TOX4: variants seen among roughly 807,000 people sequenced by gnomAD.
The protein encoded by TOX4 is TOX high mobility group box family member 4.
In TOX4, 12 loss-of-function variants were observed where a neutral mutation model predicts 61.0. That is an observed-to-expected ratio of 0.20 (90% CI 0.13 to 0.32). TOX4 has a LOEUF of 0.32. Among genes scored for constraint, TOX4 ranks in the 10% least tolerant of loss-of-function variants. TOX4 has a pLI of 1.00. For synonymous variants in TOX4, 268 were observed against 274.8 expected (o/e 0.98, Z 0.24); for missense variants, 499 against 753.3 (o/e 0.66, Z 3.95).
chr14:21,480,623 TA>T (rs917486885), intron 2 of TOX4, among the ~76,000 whole-genome samples: 1 of 151,724 alleles, frequency 6.6e-6, no homozygotes. Context: ...TTCTAACCAT[TA>T]AAAAAAATGA....
chr14:21,485,355 C>T (rs34647735), intron 2 of TOX4, among the ~76,000 whole-genome samples: 24,943 of 101,400 alleles, frequency 0.25, 8,897 homozygotes, highest in Admixed American at 0.35. Flanking sequence ...GCGGAGGTTG[C>T]GGTGAGCTGA....
intron 4 of TOX4, 107 bp from the exon 5 acceptor site, chr14:21,489,066 T>C (rs2139625087): frequency 3.1e-6 from 4 of 1,303,432 alleles, no homozygotes; most frequent in Non-Finnish European, 4.2e-6. Flanking sequence ...TTTAATGCTA[T>C]TTCTATGATT....
chr14:21,483,675 A>G (rs910970148), intron 2 of TOX4, among the ~76,000 whole-genome samples: 7 of 152,052 alleles, frequency 4.6e-5, no homozygotes, highest in Admixed American at 3.3e-4. Context: ...ACCCTGTCTC[A>G]GAATTAAAAA....
chr14:21,489,865 G>A (rs1374789525), intron 5 of TOX4, among the ~76,000 whole-genome samples: 1 of 151,012 alleles, frequency 6.6e-6, no homozygotes, highest in African/African-American at 2.4e-5. Context: ...ACAGGCATGA[G>A]CCACTGCGCC....
rs978037147 is a variant in TOX4, at chr14:21,487,435, C to G, written c.76-16C>G. Reference sequence around the variant, plus strand: ...CCTCTTTTCACTAATTCTTTTCCCCCTTTTTTCCCCTACAGACATTCCATA... The same window carrying G: ...CCTCTTTTCACTAATTCTTTTCCCCGTTTTTTCCCCTACAGACATTCCATA... On this transcript the variant is annotated splice_polypyrimidine_tract_variant and intron_variant, in intron 2 of 8. Coordinates refer to ENST00000448790, the MANE Select transcript of TOX4 (RefSeq NM_014828.4). The G allele has an allele frequency of 8.1e-6, 13 of 1,610,022 alleles. No homozygotes were observed. In the Admixed American group the frequency reaches 1.2e-4, roughly 14 times the overall value.
Position 21,493,222 on chromosome 14 carries a change from ACTAT to A in TOX4, c.1609_1612del (p.Ile537ValfsTer3). The A allele has an allele frequency of 6.2e-7, 1 of 1,613,732 alleles. No homozygotes were observed. The highest frequency in any genetic ancestry group is 8.5e-7 in the Non-Finnish European group (1 of 1,179,872). ...TACAGTGGAGGCACCTTCTCCTGAG[ACTAT>A]CTGTGAGATGATCACAGATGTAGTT... On this transcript the variant is annotated frameshift_variant, in exon 7 of 9. Coordinates refer to ENST00000448790, the MANE Select transcript of TOX4 (RefSeq NM_014828.4). LOFTEE classifies it high-confidence loss of function.
chr14:21,489,584 A>AT (rs969143211), intron 5 of TOX4, among the ~76,000 whole-genome samples, 181 bp downstream of exon 5: 62 of 147,202 alleles, frequency 4.2e-4, no homozygotes, highest in South Asian at 6.5e-4. Context: ...ACCTATTTAA[A>AT]TTTTTTTTTT....
rs185134737 is a variant in TOX4, at chr14:21,493,992, G to A, written c.1641+735G>A. ...TCTTGAACTCCTGACCTCGTGATTC[G>A]CCCGCTTCGGCCTCCCAGAGTGCAG... On this transcript the variant is annotated intron_variant, in intron 7 of 8. Coordinates refer to ENST00000448790, the MANE Select transcript of TOX4 (RefSeq NM_014828.4). 4.7e-4 allele frequency among the ~76,000 whole-genome samples: 72 copies of A among 152,062 alleles called. No individual in the cohort carries two copies. The East Asian group carries it at 0.012, about 26-fold the overall frequency.
Position 21,477,528 on chromosome 14 carries a change from C to G in TOX4, c.39C>G (p.Ile13Met). The stretch of plus-strand genomic sequence containing the variant: ...GAGGAAATGACAATTACCTGACGAT[C>G]ACAGGGCCTTCGCACCCCTTCCTGT... ...FPGGNDNYLT[I>M]TGPSHPFLSG... Residue 13 changes from isoleucine to methionine, a missense_variant, in exon 2 of 9, where the codon ATC (isoleucine) becomes ATG (methionine). Physicochemically the swap from Ile to Met is conservative, Grantham distance 10. Transcript: ENST00000448790. The G allele has an allele frequency of 6.2e-7, 1 of 1,613,756 alleles. No homozygotes were observed. The highest frequency in any genetic ancestry group is 8.5e-7 in the Non-Finnish European group (1 of 1,180,046).
At chr14:21,479,823 ATT>A (rs934809343) in intron 2 of TOX4, among the ~76,000 whole-genome samples, 2 of 152,106 alleles carry the variant, frequency 1.3e-5, no homozygotes, top group African/African-American at 4.8e-5. Flanking sequence ...CACAGTTTAA[ATT>A]TTGTTATTTA....
Position 21,495,216 on chromosome 14 carries a change from C to T in TOX4, c.1642-13C>T. On this transcript the variant is annotated splice_polypyrimidine_tract_variant and intron_variant, in intron 7 of 8. Coordinates refer to ENST00000448790, the MANE Select transcript of TOX4 (RefSeq NM_014828.4). ...CAATCTAATCCACCTTGGTACTCTT[C>T]TTCTTCTCACAGGTTGAGTCTCCTT... 6.2e-7 allele frequency: 1 copy of T among 1,613,142 alleles called. No homozygotes were observed. Among genetic ancestry groups the T allele is most frequent in the South Asian group, 1.1e-5 (1 of 90,964 alleles).
chr14:21,493,299 T>A, intron 7 of TOX4, 42 bp downstream of exon 7: 3 of 1,542,760 alleles, frequency 1.9e-6, no homozygotes, highest in Non-Finnish European at 2.6e-6. Flanking sequence ...TGGAAATGTA[T>A]AAAAATGTTT....
Position 21,497,811 on chromosome 14 carries a change from G to A in TOX4, c.*1205G>A, listed in dbSNP as rs762899796. On this transcript the variant is annotated 3_prime_UTR_variant, in exon 9 of 9. Coordinates refer to ENST00000448790, the MANE Select transcript of TOX4 (RefSeq NM_014828.4). ...CAAAGTGCTGGGATTACAGGCATGA[G>A]CCACCGCACCCAGCCTGCATTCCTG... The A allele has an allele frequency of 6.5e-6, 1 of 154,304 alleles. No individual in the cohort carries two copies. 9.6% of individuals were successfully genotyped at this position (154,304 alleles called of 1,614,324 possible).
In TOX4 at chr14:21,479,854, G is replaced by A. The variant is rs76468881; in HGVS notation, c.75+2290G>A. Among the ~76,000 whole-genome samples the A allele has an allele frequency of 5.1e-3, 778 of 152,178 alleles. 8 individuals carry two copies. The highest frequency in any genetic ancestry group is 0.017 in the African/African-American group (715 of 41,524). On this transcript the variant is annotated intron_variant, in intron 2 of 8. Transcript: ENST00000448790. ...TTATTTAGAGTGTTATAAATTTTAC[G>A]TTGGCCTCGTTCATGAGAAAGTGCA...
rs373835579 is a variant in TOX4 at position 21,499,001 on chromosome 14, T to C, written c.*2395T>C. 3 of 1,513,092 alleles carry C rather than the reference T, an allele frequency of 2.0e-6. No homozygotes were observed. The highest frequency in any genetic ancestry group is 1.4e-5 in the African/African-American group (1 of 72,934). The allele number at this position is 1,513,092 out of a possible 1,614,324, so 93.7% of individuals were successfully genotyped here. On this transcript the variant is annotated 3_prime_UTR_variant, in exon 9 of 9. Coordinates refer to ENST00000448790, the MANE Select transcript of TOX4 (RefSeq NM_014828.4). ...TCATAAATAATAGCCCCTTGAGGAC[T>C]AGCCTGTTCTCTGGTCACCTTACCA...
chr14:21,477,457 C>T (rs780712228), intron 1 of TOX4, 39 bp from the exon 2 acceptor site: 8 of 1,612,266 alleles, frequency 5.0e-6, no homozygotes, highest in Non-Finnish European at 6.8e-6. Flanking sequence ...ACTCCCTGCT[C>T]CCCCTAACTT....
At chr14:21,487,785 T>C in intron 3 of TOX4, 92 bp downstream of exon 3, 1 of 1,399,832 alleles carries the variant, frequency 7.1e-7, no homozygotes, top group South Asian at 1.7e-5. Flanking sequence ...CACTTGGGTA[T>C]TACTTGTTTC....
chr14:21,483,182 A>AT (rs1188992701), intron 2 of TOX4, among the ~76,000 whole-genome samples: 2 of 152,018 alleles, frequency 1.3e-5, no homozygotes, highest in African/African-American at 4.8e-5. Flanking sequence ...TTGGATATGA[A>AT]TTTTTATCCT....
chr14:21,489,155 C>A lies in TOX4; in HGVS notation c.580-18C>A. ...GTCATTGTCCATTGTGTAATTCTCTCTTTTTTCTCTCCTACAGCAACTTCC... is the reference window on the plus strand; with the variant it reads ...GTCATTGTCCATTGTGTAATTCTCTATTTTTTCTCTCCTACAGCAACTTCC... On this transcript the variant is annotated intron_variant, in intron 4 of 8. Transcript: ENST00000448790. 3 of 1,608,436 alleles carry A rather than the reference C, an allele frequency of 1.9e-6. No individual in the cohort carries two copies. Among genetic ancestry groups the A allele is most frequent in the Non-Finnish European group, 2.5e-6 (3 of 1,178,138 alleles).
Sources: gnomAD v4.1 joint callset for allele counts (sites outside exome capture counted in the v4.1 genomes callset) on GRCh38, gnomAD v4.1.1 for gene constraint, MANE v1.5 for transcripts, NCBI Gene and HGNC (gene_info 2026-07-23, HGNC 2026-07-21) for gene names.